The following TMEM140 variants were observed in gnomAD, a reference collection of about 807,000 sequenced individuals.
The protein encoded by TMEM140 is transmembrane protein 140.
For synonymous variants in TMEM140, 107 were observed against 106.8 expected (o/e 1.00, Z -0.01); for missense variants, 236 against 228.5 (o/e 1.03, Z -0.21).
At chr7:135,150,470 C>T (rs1335746527) in intron 1 of TMEM140, among the ~76,000 whole-genome samples, 3 of 152,144 alleles carry the variant, frequency 2.0e-5, no homozygotes, top group African/African-American at 4.8e-5. Context: ...GCACTGATTC[C>T]CCAGGGCCTC....
intron 1 of TMEM140, among the ~76,000 whole-genome samples, chr7:135,156,529 A>G (rs1018241666): frequency 1.3e-5 from 2 of 151,946 alleles, no homozygotes; most frequent in Non-Finnish European, 2.9e-5. Flanking sequence ...ATTTCCTTCA[A>G]TGAATTTTTT....
At chr7:135,159,253 A>G (rs148248986) in intron 1 of TMEM140, among the ~76,000 whole-genome samples, 1 of 152,358 alleles carries the variant, frequency 6.6e-6, no homozygotes, top group African/African-American at 2.4e-5. Context: ...ACCATGGTGG[A>G]GGCACATACT....
rs959259544 is a variant in TMEM140, at chr7:135,164,515, T to C, written c.74T>C (p.Ile25Thr). ...ATCATAGTCCTCGTGATTGTGGTCA[T>C]CTGCCTGATGTTTTACGCTCTTCTC... ...MSIIVLVIVV[I>T]CLMFYALLWE... The change falls in exon 2 of 2, where the codon ATC (isoleucine) becomes ACC (threonine). Residue 25 changes from isoleucine to threonine, a missense_variant. By Grantham distance (89) the Ile-to-Thr change is moderately conservative. Transcript: ENST00000275767. The C allele has an allele frequency of 4.3e-6, 7 of 1,613,508 alleles. No homozygotes were observed. The African/African-American group carries it at 6.7e-5, about 15-fold the overall frequency.
At chr7:135,150,977 T>C (rs578066987) in intron 1 of TMEM140, among the ~76,000 whole-genome samples, 10 of 152,368 alleles carry the variant, frequency 6.6e-5, no homozygotes, top group Non-Finnish European at 1.2e-4. Context: ...TGAGAGCTAA[T>C]AGTCAACAAA....
At chr7:135,163,620 G>C (rs1830004997) in intron 1 of TMEM140, among the ~76,000 whole-genome samples, 2 of 152,206 alleles carry the variant, frequency 1.3e-5, no homozygotes, top group Admixed American at 6.5e-5. Context: ...ACTCCAGCCT[G>C]GGTGACAGAG....
chr7:135,154,130 A>G (rs1474326469), intron 1 of TMEM140, among the ~76,000 whole-genome samples: 1 of 152,164 alleles, frequency 6.6e-6, no homozygotes, highest in Non-Finnish European at 1.5e-5. Flanking sequence ...GCAGTTGTTC[A>G]TAATAGTCCT....
Position 135,165,482 on chromosome 7 carries a change from T to C in TMEM140, c.*483T>C, listed in dbSNP as rs1381398514. On this transcript the variant is annotated 3_prime_UTR_variant, in exon 2 of 2. Coordinates refer to ENST00000275767, the MANE Select transcript of TMEM140 (RefSeq NM_018295.5). ...TAAGGAGCTTCCACTCAGCCCACCA[T>C]AGTGAGTGGGCCGCCATAAGCCATC... 2 of 170,322 alleles carry C rather than the reference T, an allele frequency of 1.2e-5. No homozygotes were observed. Among genetic ancestry groups the C allele is most frequent in the Admixed American group, 6.3e-5 (1 of 15,938 alleles). 10.6% of individuals were successfully genotyped at this position (170,322 alleles called of 1,614,324 possible).
rs1830028521 is a variant in TMEM140 at position 135,164,431 on chromosome 7, G to A, written c.-11G>A. 6.3e-7 allele frequency: 1 copy of A among 1,594,304 alleles called. No homozygotes were observed. The highest frequency in any genetic ancestry group is 8.6e-7 in the Non-Finnish European group (1 of 1,163,680). On this transcript the variant is annotated 5_prime_UTR_variant, in exon 2 of 2. Coordinates refer to ENST00000275767, the MANE Select transcript of TMEM140 (RefSeq NM_018295.5). ...ACTTCCCCGCAGGTCCCCCGGCAGAGGGCAGTAGAGATGGCCGGCCCAAGG... is the reference window on the plus strand; with the variant it reads ...ACTTCCCCGCAGGTCCCCCGGCAGAAGGCAGTAGAGATGGCCGGCCCAAGG...
chr7:135,162,250 G>A (rs573243528), intron 1 of TMEM140, among the ~76,000 whole-genome samples: 6 of 152,226 alleles, frequency 3.9e-5, no homozygotes, highest in African/African-American at 9.6e-5. Context: ...CATCAGGGCT[G>A]TGTAGCCTTC....
Position 135,164,553 on chromosome 7 carries a change from A to G in TMEM140, c.112A>G (p.Asn38Asp), listed in dbSNP as rs1219816258. 6.2e-7 allele frequency: 1 copy of G among 1,614,076 alleles called. No homozygotes were observed. The highest frequency in any genetic ancestry group is 8.5e-7 in the Non-Finnish European group (1 of 1,180,008). The change falls in exon 2 of 2, where the codon AAC becomes GAC. Residue 38 changes from asparagine to aspartate, a missense_variant. Coordinates refer to ENST00000275767, the MANE Select transcript of TMEM140 (RefSeq NM_018295.5). ...TTACGCTCTTCTCTGGGAGGCTGGC[A>G]ACCTCACTGACCTGCCCAACCTGAG... The part of the protein sequence containing the change: ...MFYALLWEAG[N>D]LTDLPNLRIG...
chr7:135,148,702 C>A (rs1829602627), intron 1 of TMEM140, among the ~76,000 whole-genome samples: 1 of 152,140 alleles, frequency 6.6e-6, no homozygotes, highest in Non-Finnish European at 1.5e-5. Context: ...TAGTTACGAA[C>A]ACATCATAAA....
At chr7:135,156,135 T>G (rs1829787073) in intron 1 of TMEM140, among the ~76,000 whole-genome samples, 1 of 152,174 alleles carries the variant, frequency 6.6e-6, no homozygotes, top group Non-Finnish European at 1.5e-5. Context: ...AGATTTGGGA[T>G]TTCCTTTATA....
intron 1 of TMEM140, chr7:135,152,889 A>G (rs912363082): frequency 6.6e-6 from 1 of 152,256 alleles, no homozygotes; most frequent in African/African-American, 2.4e-5. Context: ...CCATGATAGC[A>G]ACTGCTGCTG....
intron 1 of TMEM140, among the ~76,000 whole-genome samples, chr7:135,157,238 A>C (rs988713500): frequency 6.6e-6 from 1 of 152,178 alleles, no homozygotes; most frequent in Non-Finnish European, 1.5e-5. Context: ...ATAAGGGAGA[A>C]TTTTTTCCTG....
intron 1 of TMEM140, chr7:135,152,850 A>G (rs1278208727): frequency 1.3e-5 from 2 of 152,236 alleles, no homozygotes; most frequent in South Asian, 2.1e-4. Flanking sequence ...AAATTAAAAC[A>G]TGTAAGTTCC....
intron 1 of TMEM140, among the ~76,000 whole-genome samples, chr7:135,154,796 T>C (rs142841744): frequency 1.1e-4 from 16 of 152,372 alleles, no homozygotes; most frequent in African/African-American, 3.8e-4. Flanking sequence ...GAATGTTCCA[T>C]GTGCTGACAA....
intron 1 of TMEM140, among the ~76,000 whole-genome samples, chr7:135,153,987 T>A (rs955768698): frequency 1.3e-5 from 2 of 152,208 alleles, no homozygotes; most frequent in Non-Finnish European, 2.9e-5. Flanking sequence ...TTGGGAGTTT[T>A]TTATTATTGA....
intron 1 of TMEM140, among the ~76,000 whole-genome samples, chr7:135,150,684 G>A (rs966334023): frequency 7.9e-5 from 12 of 152,262 alleles, no homozygotes; most frequent in African/African-American, 2.2e-4. Flanking sequence ...AATCTTGGCC[G>A]CCCACAAACT....
At position 135,151,255 on chromosome 7, in the gene TMEM140, T is replaced by C. The variant is rs1386019083; in HGVS notation, c.-25+2985T>C. 6.6e-6 allele frequency among the ~76,000 whole-genome samples: 1 copy of C among 152,234 alleles called. No individual in the cohort carries two copies. Among genetic ancestry groups the C allele is most frequent in the Admixed American group, 6.5e-5 (1 of 15,282 alleles). On this transcript the variant is annotated intron_variant, in intron 1 of 1. Coordinates refer to ENST00000275767, the MANE Select transcript of TMEM140 (RefSeq NM_018295.5). This position sits in a 1 kb window ranked among gnomAD's most constrained non-coding sequence, Gnocchi z 4.3. ...AGGAGCTGCCACCACCTACACACTG[T>C]TGAAAAACACTGCAGTAGCCCTGTT...
Sources: allele counts gnomAD v4.1 joint callset (sites outside exome capture counted in the v4.1 genomes callset), GRCh38; gene constraint gnomAD v4.1.1; non-coding constraint Gnocchi (gnomAD v3.1); transcripts MANE v1.5; gene names NCBI Gene and HGNC (gene_info 2026-07-23, HGNC 2026-07-21).